Variants in TUBA3C observed in about 807,000 individuals in gnomAD.
TUBA3C encodes tubulin alpha-3C chain.
A neutral mutation model predicts 33.4 loss-of-function variants in TUBA3C; 23 were observed. The ratio of observed to expected loss-of-function variants is 0.69; its 90% CI spans 0.50 to 0.98. The LOEUF is 0.98. Among genes scored for constraint, TUBA3C ranks in the 50% least tolerant of loss-of-function variants. TUBA3C has a pLI of 0.00. For missense variants in TUBA3C, 402 were observed against 616.0 expected, an observed-to-expected ratio of 0.65 and a Z score of 3.68; for synonymous variants, 269 against 250.4, an observed-to-expected ratio of 1.07 and a Z score of -0.70.
At chr13:19,174,623 G>A (rs9507558) in intron 4 of TUBA3C, among the ~76,000 whole-genome samples, 6,316 of 151,742 alleles carry the variant, frequency 0.042, 164 homozygotes, top group Middle Eastern at 0.068. Flanking sequence ...AACATCATTC[G>A]TTCCACTGTC....
intron 4 of TUBA3C, among the ~76,000 whole-genome samples, chr13:19,175,252 A>AAAAACAAAAC (rs201292761): frequency 6.6e-6 from 1 of 152,096 alleles, no homozygotes; most frequent in Non-Finnish European, 1.5e-5. Flanking sequence ...ACTCCGTCTC[A>AAAAACAAAAC]AAAACAAAAC....
intron 1 of TUBA3C, among the ~76,000 whole-genome samples, chr13:19,180,995 C>T (rs1173701111): frequency 1.3e-5 from 2 of 150,036 alleles, no homozygotes; most frequent in African/African-American, 4.9e-5. Context: ...TGACAAACCA[C>T]GGCCACTGCT....
rs1398614257 is a variant in TUBA3C, at chr13:19,178,397, A to G, written c.227-3T>C. On this transcript the variant is annotated splice_polypyrimidine_tract_variant and splice_region_variant and intron_variant, in intron 2 of 4. Transcript: ENST00000400113. ...ATAGGTTCCTGTGCGCACTTCATCTACAAAAGAGACCGTATGTACTGTGAA... is the reference window on the plus strand; with the variant it reads ...ATAGGTTCCTGTGCGCACTTCATCTGCAAAAGAGACCGTATGTACTGTGAA... 4.3e-6 allele frequency: 7 copies of G among 1,613,482 alleles called. No homozygotes were observed. The highest frequency in any genetic ancestry group is 2.2e-5 in the East Asian group (1 of 44,878).
At chr13:19,181,694 C>T (rs770159327) in intron 1 of TUBA3C, 51 bp downstream of exon 1, 47 of 1,600,636 alleles carry the variant, frequency 2.9e-5, no homozygotes, top group Middle Eastern at 3.3e-4. Context: ...AGGCCAACTT[C>T]GTCCACCCTC....
In TUBA3C at chr13:19,177,016, C is replaced by T; in HGVS notation, c.967G>A (p.Val323Met). The T allele has an allele frequency of 1.9e-6, 3 of 1,614,154 alleles. No individual in the cohort carries two copies. Among genetic ancestry groups the T allele is most frequent in the Non-Finnish European group, 2.5e-6 (3 of 1,180,040 alleles). ...MACCMLYRGDVVPKDVNAAIA... is the reference protein window; with the variant it reads ...MACCMLYRGDMVPKDVNAAIA... ...GCCGCGTTGACATCTTTCGGGACCA[C>T]ATCCCCCCTGTACAACATGCAGCAG... Residue 323 changes from valine to methionine, a missense_variant, in exon 4 of 5, where the codon GTG becomes ATG. By Grantham distance (21) the Val-to-Met change is conservative. Coordinates refer to ENST00000400113, the MANE Select transcript of TUBA3C (RefSeq NM_006001.3). The surrounding 1 kb of genome is among the most constrained non-coding windows in gnomAD (Gnocchi z 5.0).
rs1360584364 is a variant in TUBA3C at position 19,177,185 on chromosome 13, G to A, written c.798C>T (p.His266=). 6.2e-7 allele frequency: 1 copy of A among 1,614,154 alleles called. No homozygotes were observed. The highest frequency in any genetic ancestry group is 8.5e-7 in the Non-Finnish European group (1 of 1,180,036). The change falls in exon 4 of 5, where the codon CAC becomes CAT. Residue 266 remains histidine, a synonymous_variant. Transcript: ENST00000400113. This position sits in a 1 kb window ranked among gnomAD's most constrained non-coding sequence, Gnocchi z 5.0. ...QTNLVPYPRI[H]FPLATYAPVI... ...CCGGGGCGTAGGTGGCCAGGGGGAA[G>A]TGGATGCGGGGGTACGGCACTAGGT...
At chr13:19,181,567 C>T (rs995978256) in intron 1 of TUBA3C, among the ~76,000 whole-genome samples, 178 bp downstream of exon 1, 5 of 152,290 alleles carry the variant, frequency 3.3e-5, no homozygotes, top group East Asian at 1.9e-4. Flanking sequence ...CCCTGGAGCC[C>T]GCAGACCCAG....
chr13:19,175,241 G>A (rs1245780184), intron 4 of TUBA3C, among the ~76,000 whole-genome samples: 1 of 152,076 alleles, frequency 6.6e-6, no homozygotes, highest in Non-Finnish European at 1.5e-5. Flanking sequence ...GACACAGCAA[G>A]ACTCCGTCTC....
Position 19,178,386 on chromosome 13 carries a change from GCACTT to G in TUBA3C, c.230_234del (p.Glu77AlafsTer6), listed in dbSNP as rs1869277924. The G allele has an allele frequency of 6.2e-7, 1 of 1,613,716 alleles. No homozygotes were observed. The highest frequency in any genetic ancestry group is 1.3e-5 in the African/African-American group (1 of 74,864). ...AAGAGCTGCCTATAGGTTCCTGTGC[GCACTT>G]CATCTACAAAAGAGACCGTATGTAC... is the stretch of plus-strand genomic sequence containing the variant. On this transcript the variant is annotated frameshift_variant, in exon 3 of 5. Coordinates refer to ENST00000400113, the MANE Select transcript of TUBA3C (RefSeq NM_006001.3). LOFTEE classifies it high-confidence loss of function.
rs1015803404 is a variant in TUBA3C at position 19,179,707 on chromosome 13, G to A, written c.4-144C>T. On this transcript the variant is annotated intron_variant, in intron 1 of 4. Coordinates refer to ENST00000400113, the MANE Select transcript of TUBA3C (RefSeq NM_006001.3). ...TTGATATTTCCTAGGAGGGTTAGGT[G>A]ACTGACCCCTTTATCCCTGTGAAAA... The A allele has an allele frequency of 4.1e-6, 5 of 1,222,078 alleles. No individual in the cohort carries two copies. In the Admixed American group the frequency reaches 8.6e-5, roughly 21 times the overall value. The allele number at this position is 1,222,078 out of a possible 1,614,324, so 75.7% of individuals were successfully genotyped here.
At position 19,177,371 on chromosome 13, in the gene TUBA3C, G is replaced by A. The variant is rs377103775; in HGVS notation, c.612C>T (p.Val204=). The A allele has an allele frequency of 1.3e-5, 21 of 1,613,998 alleles. No homozygotes were observed. In the African/African-American group the frequency reaches 1.5e-4, roughly 11 times the overall value. Residue 204 remains valine (V), a synonymous_variant, in exon 4 of 5, where the codon GTC becomes GTT. Coordinates refer to ENST00000400113, the MANE Select transcript of TUBA3C (RefSeq NM_006001.3). This position sits in a 1 kb window ranked among gnomAD's most constrained non-coding sequence, Gnocchi z 5.0. ...ATATGTCATAGATGGCTTCATTGTC[G>A]ACCATGAAGGCACAGTCAGAATGTT... is the stretch of plus-strand genomic sequence containing the variant. ...TLEHSDCAFM[V]DNEAIYDICR...
rs377508922 is a variant in TUBA3C at position 19,180,541 on chromosome 13, A to G, written c.4-978T>C. Among the ~76,000 whole-genome samples, 357 of 151,680 alleles carry G rather than the reference A, an allele frequency of 2.4e-3. 3 individuals carry two copies. Among genetic ancestry groups the G allele is most frequent in the African/African-American group, 8.3e-3 (342 of 41,370 alleles). ...TTTTTAAACAGAGTCTTGCTCTGTC[A>G]CCCAGGCTGGAATGCAGTGGCACAA... On this transcript the variant is annotated intron_variant, in intron 1 of 4. Coordinates refer to ENST00000400113, the MANE Select transcript of TUBA3C (RefSeq NM_006001.3).
chr13:19,181,068 T>G (rs980218934), intron 1 of TUBA3C, among the ~76,000 whole-genome samples: 5 of 151,842 alleles, frequency 3.3e-5, no homozygotes, highest in African/African-American at 1.2e-4. Context: ...TTTTTTTTTT[T>G]TTGAGGCAGG....
At position 19,177,469 on chromosome 13, in the gene TUBA3C, A is replaced by G. The variant is rs777711115; in HGVS notation, c.514T>C (p.Tyr172His). 5.6e-6 allele frequency: 9 copies of G among 1,614,026 alleles called. No individual in the cohort carries two copies. The highest frequency in any genetic ancestry group is 6.8e-6 in the Non-Finnish European group (8 of 1,180,030). ...GCCGTGGAGACCTGGGGGGCTGGGT[A>G]AATGGCAAATTCTAGCTTGGACTTC... ...GKKSKLEFAIYPAPQVSTAVV... is the reference protein window; with the variant it reads ...GKKSKLEFAIHPAPQVSTAVV... Residue 172 changes from tyrosine (Y) to histidine (H), a missense_variant, in exon 4 of 5, where the codon TAC becomes CAC. By Grantham distance (83) the Tyr-to-His change is moderately conservative. Transcript: ENST00000400113. The surrounding 1 kb of genome is among the most constrained non-coding windows in gnomAD (Gnocchi z 5.0).
rs1565972213 is a variant in TUBA3C, at chr13:19,179,574, G to A, written c.4-11C>T. On this transcript the variant is annotated splice_polypyrimidine_tract_variant and intron_variant, in intron 1 of 4. Coordinates refer to ENST00000400113, the MANE Select transcript of TUBA3C (RefSeq NM_006001.3). ...AGAGATACACTCACGCTGTGAACCAGAACATAAATGTAGACCCATTCATTT... is the reference window on the plus strand; with the variant it reads ...AGAGATACACTCACGCTGTGAACCAAAACATAAATGTAGACCCATTCATTT... 1.2e-6 allele frequency: 2 copies of A among 1,612,738 alleles called. No homozygotes were observed. Among genetic ancestry groups the A allele is most frequent in the Non-Finnish European group, 1.7e-6 (2 of 1,178,858 alleles).
rs1869091646 is a variant in TUBA3C at position 19,173,978 on chromosome 13, A to G, written c.1238T>C (p.Met413Thr). Residue 413 changes from methionine (M) to threonine (T), a missense_variant, in exon 5 of 5, where the codon ATG becomes ACG. Met to Thr is a moderately conservative substitution (Grantham distance 81). Transcript: ENST00000400113. ...GGCCTCAGAGAACTCCCCCTCCTCC[A>G]TGCCTTCTCCCACGTACCAGTGCAC... ...AFVHWYVGEG[M>T]EEGEFSEARE... The G allele has an allele frequency of 6.2e-7, 1 of 1,611,546 alleles. No individual in the cohort carries two copies. Among genetic ancestry groups the G allele is most frequent in the East Asian group, 2.3e-5 (1 of 43,232 alleles).
At chr13:19,178,968 A>G (rs1322146042) in intron 2 of TUBA3C, among the ~76,000 whole-genome samples, 1 of 152,140 alleles carries the variant, frequency 6.6e-6, no homozygotes, top group Non-Finnish European at 1.5e-5. Flanking sequence ...TTAACCTTCT[A>G]TGCCTAAGAT....
chr13:19,179,037 T>A (rs1203666537), intron 2 of TUBA3C, among the ~76,000 whole-genome samples: 2 of 152,178 alleles, frequency 1.3e-5, no homozygotes, highest in Non-Finnish European at 2.9e-5. Flanking sequence ...AGGAAACCAA[T>A]GCCATTGTGC....
rs1288677304 is a variant in TUBA3C at position 19,177,987 on chromosome 13, C to T, written c.375+259G>A. Among the ~76,000 whole-genome samples, 1 of 151,992 alleles carries T rather than the reference C, an allele frequency of 6.6e-6. No individual in the cohort carries two copies. The highest frequency in any genetic ancestry group is 2.4e-5 in the African/African-American group (1 of 41,406). On this transcript the variant is annotated intron_variant, in intron 3 of 4. Transcript: ENST00000400113. The surrounding 1 kb of genome is among the most constrained non-coding windows in gnomAD (Gnocchi z 5.0). Reference sequence around the variant, plus strand: ...TCAGCTTCCTGAGTAGCTGGGACTACAGGCAGGCACCACCACGCCTGACTA... The same window carrying T: ...TCAGCTTCCTGAGTAGCTGGGACTATAGGCAGGCACCACCACGCCTGACTA...
Sources: allele counts gnomAD v4.1 joint callset (sites outside exome capture counted in the v4.1 genomes callset), GRCh38; gene constraint gnomAD v4.1.1; non-coding constraint Gnocchi (gnomAD v3.1); transcripts MANE v1.5; gene names NCBI Gene and HGNC (gene_info 2026-07-23, HGNC 2026-07-21).